PLEKHF2: variants seen among roughly 807,000 people sequenced by gnomAD.
PLEKHF2 encodes pleckstrin homology and FYVE domain containing 2.
In PLEKHF2, 4 loss-of-function variants were observed where a neutral mutation model predicts 14.7. The ratio of observed to expected loss-of-function variants is 0.27; its 90% CI spans 0.13 to 0.62. PLEKHF2 has a LOEUF of 0.62. PLEKHF2 is among the 20% of genes least tolerant of loss of function. The pLI, the probability that PLEKHF2 is intolerant of heterozygous loss-of-function variation, is 0.85. For missense variants in PLEKHF2, 201 were observed against 307.7 expected (o/e 0.65, Z 2.60); for synonymous variants, 90 against 103.5 (o/e 0.87, Z 0.79).
In PLEKHF2 at chr8:95,154,929, CA is replaced by C; in HGVS notation, c.*137del. Reference sequence around the variant, plus strand: ...TGAGAAACTTGTAACCTATGTGCCTCAATATATTCCATAGAAAGTAGGTCCC... The same window carrying C: ...TGAGAAACTTGTAACCTATGTGCCTCATATATTCCATAGAAAGTAGGTCCC... On this transcript the variant is annotated 3_prime_UTR_variant, in exon 2 of 2. Transcript: ENST00000315367. The surrounding 1 kb of genome is among the most constrained non-coding windows in gnomAD (Gnocchi z 5.6). The C allele has an allele frequency of 3.9e-6, 4 of 1,038,534 alleles. No individual in the cohort carries two copies. The highest frequency in any genetic ancestry group is 5.6e-6 in the Non-Finnish European group (4 of 716,076). 64.3% of individuals were successfully genotyped at this position (1,038,534 alleles called of 1,614,324 possible).
chr8:95,137,136 G>C (rs1810384017), intron 1 of PLEKHF2, among the ~76,000 whole-genome samples: 1 of 152,226 alleles, frequency 6.6e-6, no homozygotes, highest in African/African-American at 2.4e-5. Context: ...TGTGACTCTT[G>C]AACAAGCCGC....
Position 95,154,820 on chromosome 8 carries a change from G to T in PLEKHF2, c.*26G>T. The T allele has an allele frequency of 6.3e-7, 1 of 1,599,982 alleles. No individual in the cohort carries two copies. The highest frequency in any genetic ancestry group is 1.1e-5 in the South Asian group (1 of 90,398). On this transcript the variant is annotated 3_prime_UTR_variant, in exon 2 of 2. Transcript: ENST00000315367. This position sits in a 1 kb window ranked among gnomAD's most constrained non-coding sequence, Gnocchi z 5.6. ...GGACACATTTGGGAGTATTTAATCAGGTGTGGCTATCTGAGAAATCAACTT... is the reference window on the plus strand; with the variant it reads ...GGACACATTTGGGAGTATTTAATCATGTGTGGCTATCTGAGAAATCAACTT...
chr8:95,143,019 T>C (rs1167219773), intron 1 of PLEKHF2, among the ~76,000 whole-genome samples: 1 of 152,202 alleles, frequency 6.6e-6, no homozygotes, highest in Non-Finnish European at 1.5e-5. Context: ...TCAGTGCACA[T>C]TGGCACATTG....
intron 1 of PLEKHF2, among the ~76,000 whole-genome samples, chr8:95,139,139 G>A (rs7827540): frequency 0.072 from 10,934 of 151,992 alleles, 493 homozygotes; most frequent in African/African-American, 0.11. Context: ...TTTTAAAATT[G>A]ACATTTGTTT....
At chr8:95,143,757 A>C (rs1389534608) in intron 1 of PLEKHF2, among the ~76,000 whole-genome samples, 2 of 152,256 alleles carry the variant, frequency 1.3e-5, no homozygotes, top group Non-Finnish European at 2.9e-5. Flanking sequence ...AGATTGCAGC[A>C]GGTTAGGACT....
At chr8:95,136,341 C>T (rs1031446075) in intron 1 of PLEKHF2, among the ~76,000 whole-genome samples, 82 of 142,698 alleles carry the variant, frequency 5.7e-4, no homozygotes, top group South Asian at 2.4e-3. Flanking sequence ...TATACACACA[C>T]ACACACACAC....
chr8:95,138,897 C>A (rs1218100643), intron 1 of PLEKHF2, among the ~76,000 whole-genome samples: 1 of 152,114 alleles, frequency 6.6e-6, no homozygotes, highest in Admixed American at 6.5e-5. Flanking sequence ...ACTTTGTACA[C>A]TTTTAATTTT....
intron 1 of PLEKHF2, among the ~76,000 whole-genome samples, chr8:95,143,093 C>CTTTTTTTT (rs35086823): frequency 2.8e-5 from 4 of 141,040 alleles, no homozygotes; most frequent in Non-Finnish European, 3.1e-5. Context: ...AGGAAATAAT[C>CTTTTTTTT]TTTTTTTTTT....
chr8:95,149,624 C>T (rs1430820075), intron 1 of PLEKHF2, among the ~76,000 whole-genome samples: 1 of 152,128 alleles, frequency 6.6e-6, no homozygotes, highest in African/African-American at 2.4e-5. Flanking sequence ...ATTGGTGTTA[C>T]TTCCAGAATG....
intron 1 of PLEKHF2, among the ~76,000 whole-genome samples, chr8:95,143,321 G>A (rs1242664136): frequency 1.3e-5 from 2 of 151,876 alleles, no homozygotes; most frequent in South Asian, 2.1e-4. Flanking sequence ...GGATGGTTTC[G>A]ATCTCCTGAC....
chr8:95,146,454 A>AGAC lies in PLEKHF2; in HGVS notation c.-14-7576_-14-7574dup, dbSNP rs539370319. Among the ~76,000 whole-genome samples, 4 of 152,146 alleles carry AGAC rather than the reference A, an allele frequency of 2.6e-5. No homozygotes were observed. In the South Asian group the frequency reaches 8.3e-4, roughly 32 times the overall value. On this transcript the variant is annotated intron_variant, in intron 1 of 1. Transcript: ENST00000315367. ...TATTGATTTCCAGCAGGGAGAACTA[A>AGAC]GACATAGTAGTCTATGACATTTGGT...
chr8:95,137,476 A>T (rs142564438), intron 1 of PLEKHF2, among the ~76,000 whole-genome samples: 5,434 of 152,370 alleles, frequency 0.036, 132 homozygotes, highest in Non-Finnish European at 0.054. Flanking sequence ...GTTTGGGGAC[A>T]GAACAAAGGT....
At chr8:95,151,574 G>A (rs866847678) in intron 1 of PLEKHF2, among the ~76,000 whole-genome samples, 1 of 151,588 alleles carries the variant, frequency 6.6e-6, no homozygotes, top group Admixed American at 6.6e-5. Context: ...AAAAATCATA[G>A]CATTGATTAG....
intron 1 of PLEKHF2, among the ~76,000 whole-genome samples, chr8:95,151,538 GTTTC>G (rs1411640766): frequency 2.0e-5 from 3 of 150,308 alleles, no homozygotes; most frequent in Non-Finnish European, 3.0e-5. Flanking sequence ...ATAGCTCTCA[GTTTC>G]TTTTAAAAAT....
At position 95,156,067 on chromosome 8, in the gene PLEKHF2, T is replaced by A. The variant is rs886071955; in HGVS notation, c.*1273T>A. On this transcript the variant is annotated 3_prime_UTR_variant, in exon 2 of 2. Transcript: ENST00000315367. ...AATCTAGATTTATTTTGAGAAGTAA[T>A]TGTTCACTCTTTACTTTTGAGGCAG... 3.6e-5 allele frequency: 6 copies of A among 167,074 alleles called. No individual in the cohort carries two copies. The highest frequency in any genetic ancestry group is 1.2e-4 in the African/African-American group (5 of 41,468). 10.3% of individuals were successfully genotyped at this position (167,074 alleles called of 1,614,324 possible).
intron 1 of PLEKHF2, among the ~76,000 whole-genome samples, chr8:95,147,139 T>TA (rs1810507790): frequency 6.6e-6 from 1 of 152,100 alleles, no homozygotes; most frequent in African/African-American, 2.4e-5. Flanking sequence ...GGATATAATG[T>TA]AAGTTTCATC....
chr8:95,147,907 A>G (rs183982649), intron 1 of PLEKHF2, among the ~76,000 whole-genome samples: 1 of 152,006 alleles, frequency 6.6e-6, no homozygotes, highest in East Asian at 1.9e-4. Context: ...ACTATTAGAC[A>G]AGTCAGAAGA....
At chr8:95,134,267 C>T (rs901427220) in intron 1 of PLEKHF2, 1 of 149,292 alleles carries the variant, frequency 6.7e-6, no homozygotes, top group African/African-American at 2.4e-5. Context: ...GTCCCGCCAG[C>T]CCGGGAGCGA....
At chr8:95,147,125 T>A (rs118048740) in intron 1 of PLEKHF2, among the ~76,000 whole-genome samples, 1,742 of 152,184 alleles carry the variant, frequency 0.011, 12 homozygotes, top group Middle Eastern at 0.024. Context: ...CTAAAGTAAT[T>A]TATGGATATA....
Sources: allele counts gnomAD v4.1 joint callset (sites outside exome capture counted in the v4.1 genomes callset), GRCh38; gene constraint gnomAD v4.1.1; non-coding constraint Gnocchi (gnomAD v3.1); transcripts MANE v1.5; gene names NCBI Gene and HGNC (gene_info 2026-07-23, HGNC 2026-07-21).